Variants in PPP2R2B observed in about 807,000 individuals in gnomAD.
The protein encoded by PPP2R2B is protein phosphatase 2 regulatory subunit Bbeta.
Under a neutral mutation model 46.0 loss-of-function variants are expected in PPP2R2B, and 5 were observed. That is an observed-to-expected ratio of 0.11 (90% CI 0.06 to 0.23). The LOEUF (loss-of-function observed/expected upper bound fraction) is 0.23, where lower values mean the gene tolerates loss of function less well. Ranked by LOEUF, PPP2R2B falls within the 10% of genes least tolerant of loss-of-function variation. The pLI, the probability that PPP2R2B is intolerant of heterozygous loss-of-function variation, is 1.00. For synonymous variants in PPP2R2B, 215 were observed against 206.7 expected (o/e 1.04, Z -0.34); for missense variants, 367 against 575.0 (o/e 0.64, Z 3.70).
chr5:146,839,146 G>A (rs554377279), intron 2 of PPP2R2B, among the ~76,000 whole-genome samples: 45 of 152,130 alleles, frequency 3.0e-4, no homozygotes, highest in African/African-American at 1.0e-3. Flanking sequence ...TAGTCTATTC[G>A]ATCTTGTGGG....
intron 5 of PPP2R2B, among the ~76,000 whole-genome samples, chr5:146,655,213 G>A (rs1309898098): frequency 6.6e-6 from 1 of 152,140 alleles, no homozygotes; most frequent in Non-Finnish European, 1.5e-5. Flanking sequence ...TGTCTTGCCT[G>A]GACACCCAGT....
chr5:146,936,185 G>A (rs970393075), intron 1 of PPP2R2B, among the ~76,000 whole-genome samples: 9 of 152,104 alleles, frequency 5.9e-5, no homozygotes, highest in African/African-American at 2.2e-4. Context: ...ACTTCCTGAT[G>A]TGTCTCAGTA....
chr5:146,978,778 T>C (rs1359913935), intron 1 of PPP2R2B, among the ~76,000 whole-genome samples: 2 of 152,200 alleles, frequency 1.3e-5, no homozygotes, highest in Non-Finnish European at 2.9e-5. Flanking sequence ...TGTAGCCTTG[T>C]AGTATAGTTT....
chr5:146,872,200 G>A (rs1293269113), intron 2 of PPP2R2B, among the ~76,000 whole-genome samples: 4 of 152,126 alleles, frequency 2.6e-5, no homozygotes, highest in Non-Finnish European at 5.9e-5. Flanking sequence ...TGCCCCTGGG[G>A]ACCTGGATGC....
At chr5:146,913,070 T>G (rs905011024) in intron 1 of PPP2R2B, among the ~76,000 whole-genome samples, 4 of 152,204 alleles carry the variant, frequency 2.6e-5, no homozygotes, top group Non-Finnish European at 5.9e-5. Context: ...TTTTTTGGAA[T>G]GCAGCTGTCC....
At chr5:147,068,602 C>A (rs1464588701) in intron 2 of PPP2R2B, among the ~76,000 whole-genome samples, 1 of 152,124 alleles carries the variant, frequency 6.6e-6, no homozygotes, top group Non-Finnish European at 1.5e-5. Context: ...TAAAAGACAT[C>A]TTTGGCATGC....
intron 5 of PPP2R2B, among the ~76,000 whole-genome samples, chr5:146,659,650 T>C (rs1467007809): frequency 6.6e-6 from 1 of 152,218 alleles, no homozygotes; most frequent in Non-Finnish European, 1.5e-5. Context: ...ATCATGTTAT[T>C]GAATCTTCAC....
chr5:146,806,311 C>T (rs161042), intron 2 of PPP2R2B, among the ~76,000 whole-genome samples: 136,743 of 152,214 alleles, frequency 0.9, 61,552 homozygotes, highest in African/African-American at 0.94. Context: ...ATGTATTCTT[C>T]TCCCTGATAG....
chr5:147,069,783 C>CTGT, intron 2 of PPP2R2B, among the ~76,000 whole-genome samples: 1 of 48,424 alleles, frequency 2.1e-5, no homozygotes, highest in Middle Eastern at 0.018. Context: ...ACATTTTATA[C>CTGT]TGTTTTTTTT....
intron 2 of PPP2R2B, among the ~76,000 whole-genome samples, chr5:146,762,955 G>T (rs943611844): frequency 7.9e-5 from 12 of 152,192 alleles, no homozygotes; most frequent in Admixed American, 2.6e-4. Flanking sequence ...GAGTTCTCTA[G>T]TTGAGCCTCT....
intron 6 of PPP2R2B, among the ~76,000 whole-genome samples, chr5:146,644,528 A>G (rs1374280686): frequency 6.6e-6 from 1 of 152,226 alleles, no homozygotes; most frequent in African/African-American, 2.4e-5. Flanking sequence ...GCTTAAAATC[A>G]TCTGTGAGAG....
intron 2 of PPP2R2B, among the ~76,000 whole-genome samples, chr5:146,854,919 T>C (rs1760562440): frequency 6.6e-6 from 1 of 152,204 alleles, no homozygotes; most frequent in South Asian, 2.1e-4. Context: ...TTTATGTTTT[T>C]AGAAATTTTG....
chr5:147,064,467 C>T (rs1053952189), intron 2 of PPP2R2B, among the ~76,000 whole-genome samples: 1 of 152,212 alleles, frequency 6.6e-6, no homozygotes, highest in Admixed American at 6.5e-5. Context: ...TACCCTCCCA[C>T]ACCCTATATT....
exon 2 of PPP2R2B, chr5:147,081,105 C>T (rs1189662135): frequency 6.5e-7 from 1 of 1,535,514 alleles, no homozygotes; most frequent in South Asian, 1.2e-5. Flanking sequence ...GGCTGAAGCA[C>T]CATAGTGTGT....
At chr5:146,638,451 G>C in intron 6 of PPP2R2B, 36 bp from the exon 7 acceptor site, 1 of 1,542,528 alleles carries the variant, frequency 6.5e-7, no homozygotes, top group Non-Finnish European at 8.8e-7. Context: ...ACCAGGAGAA[G>C]GAGGCAGGAA....
intron 2 of PPP2R2B, among the ~76,000 whole-genome samples, chr5:146,863,399 G>T (rs767227416): frequency 2.0e-5 from 3 of 152,188 alleles, no homozygotes; most frequent in Admixed American, 6.5e-5. Flanking sequence ...TGGCACCATT[G>T]ATGAGTTCCA....
At chr5:146,943,834 G>A (rs935982249) in intron 1 of PPP2R2B, among the ~76,000 whole-genome samples, 39 of 152,134 alleles carry the variant, frequency 2.6e-4, no homozygotes, top group African/African-American at 9.2e-4. Flanking sequence ...ATCTCTTTCC[G>A]TGATCCTTCA....
In PPP2R2B at chr5:146,892,819, CT is replaced by C. The variant is rs1762531782; in HGVS notation, c.79+162845del. On this transcript the variant is annotated intron_variant, in intron 1 of 8. Coordinates refer to the PPP2R2B transcript ENST00000336640. ...TCCTGCAATAAAAAAGTTAATTTAACTTTGTTCAAATCAGAATTTTTCATAT... is the reference window on the plus strand; with the variant it reads ...TCCTGCAATAAAAAAGTTAATTTAACTTGTTCAAATCAGAATTTTTCATAT... 2.6e-5 allele frequency among the ~76,000 whole-genome samples: 4 copies of C among 152,304 alleles called. No homozygotes were observed. In the South Asian group the frequency reaches 8.3e-4, roughly 32 times the overall value.
intron 1 of PPP2R2B, among the ~76,000 whole-genome samples, chr5:146,892,573 C>T (rs376406654): frequency 1.4e-4 from 22 of 152,260 alleles, no homozygotes; most frequent in East Asian, 7.7e-4. Flanking sequence ...TCAGTCTTTA[C>T]CCCTTCCAAG....
Sources: gnomAD v4.1 joint callset for allele counts (sites outside exome capture counted in the v4.1 genomes callset) on GRCh38, gnomAD v4.1.1 for gene constraint, MANE v1.5 for transcripts, NCBI Gene and HGNC (gene_info 2026-07-23, HGNC 2026-07-21) for gene names.